Variants in SLC67A1 observed in about 807,000 individuals in gnomAD.
SLC67A1 encodes solute carrier family 67 member A1.
At chr11:2,916,571 C>A in the SLC67A1 span, 5,459 of 1,387,224 alleles carry the variant, frequency 3.9e-3, 111 homozygotes, top group African/African-American at 0.055. Flanking sequence ...GTGGCTGGGG[C>A]GCCTGGGCCC....
chr11:2,900,709 A>AAAAAAAAAAAAAAAC, the SLC67A1 span, among the ~76,000 whole-genome samples: 1 of 150,816 alleles, frequency 6.6e-6, no homozygotes, highest in Non-Finnish European at 1.5e-5. Context: ...AAAAAAAAAA[A>AAAAAAAAAAAAAAAC]AAAAAAAAGA....
chr11:2,909,372 CTG>C, the SLC67A1 span: 1 of 1,513,228 alleles, frequency 6.6e-7, no homozygotes, highest in Non-Finnish European at 8.8e-7. Context: ...GCCGGGGGGA[CTG>C]GAGTCCAGGT....
chr11:2,899,933 G>A, the SLC67A1 span: 1 of 500,062 alleles, frequency 2.0e-6, no homozygotes, highest in Non-Finnish European at 3.5e-6. Flanking sequence ...CCCTCCCCAG[G>A]GAACCCAGGA....
the SLC67A1 span, chr11:2,914,966 C>G: frequency 3.0e-6 from 3 of 985,318 alleles, no homozygotes; most frequent in Non-Finnish European, 3.6e-6. Flanking sequence ...GGCATTTTCC[C>G]AAAGGAAGGG....
chr11:2,919,228 GGCT>G, the SLC67A1 span: 1 of 1,015,944 alleles, frequency 9.8e-7, no homozygotes, highest in Non-Finnish European at 1.5e-6. Flanking sequence ...TGATTGGCCA[GGCT>G]GCTGAGGCGG....
the SLC67A1 span, chr11:2,922,620 TG>T: frequency 1.3e-6 from 1 of 784,660 alleles, no homozygotes; most frequent in Non-Finnish European, 1.6e-6. Context: ...CCGGTGGGGA[TG>T]GGGTGGGCAG....
At chr11:2,909,819 G>A in the SLC67A1 span, 1 of 1,203,354 alleles carries the variant, frequency 8.3e-7, no homozygotes, top group Non-Finnish European at 1.1e-6. Context: ...CGTGGGGCGC[G>A]AGTGGCCACG....
the SLC67A1 span, chr11:2,925,117 G>T: frequency 6.8e-4 from 1,101 of 1,613,896 alleles, 6 homozygotes; most frequent in African/African-American, 0.013. The surrounding 1 kb of genome is among the most constrained non-coding windows in gnomAD (Gnocchi z 6.5). Context: ...CTTCGGCCAC[G>T]TGCAGGTTGC....
chr11:2,914,867 G>C, the SLC67A1 span: 2 of 985,424 alleles, frequency 2.0e-6, no homozygotes, highest in South Asian at 9.4e-5. Flanking sequence ...CTGGCCACAG[G>C]GGCCAGTTGT....
At chr11:2,920,516 C>T in the SLC67A1 span, 1 of 152,394 alleles carries the variant, frequency 6.6e-6, no homozygotes, top group Non-Finnish European at 1.5e-5. Flanking sequence ...CAGTGGGGAC[C>T]CTGCCTGAGA....
the SLC67A1 span, chr11:2,903,273 T>G: frequency 6.4e-7 from 1 of 1,573,454 alleles, no homozygotes; most frequent in Non-Finnish European, 8.6e-7. Flanking sequence ...CCGGATCAAC[T>G]GGACTTTTGC....
At chr11:2,903,048 CG>C in the SLC67A1 span, 14 of 448,620 alleles carry the variant, frequency 3.1e-5, no homozygotes, top group South Asian at 1.0e-4. Flanking sequence ...CTGCAGGGGT[CG>C]GGGGGAGCAG....
chr11:2,903,430 A>C, the SLC67A1 span: 1 of 1,613,042 alleles, frequency 6.2e-7, no homozygotes. Context: ...CATCTTGCTT[A>C]CCTACGTGCT....
chr11:2,924,883 C>T, the SLC67A1 span: 2 of 774,416 alleles, frequency 2.6e-6, no homozygotes, highest in Admixed American at 5.5e-5. The surrounding 1 kb of genome is among the most constrained non-coding windows in gnomAD (Gnocchi z 8.6). Flanking sequence ...CCAGACTATG[C>T]AAGGTGCGGA....
the SLC67A1 span, chr11:2,916,433 C>A: frequency 1.8e-6 from 1 of 542,558 alleles, no homozygotes; most frequent in Non-Finnish European, 3.2e-6. Context: ...CCCACCCATT[C>A]CTTCATCCAT....
At chr11:2,908,097 C>T in the SLC67A1 span, 9 of 617,382 alleles carry the variant, frequency 1.5e-5, no homozygotes, top group Non-Finnish European at 2.6e-5. Context: ...GGGAAGGGCC[C>T]CTCGATGGTC....
At chr11:2,900,146 T>A in the SLC67A1 span, among the ~76,000 whole-genome samples, 1 of 146,078 alleles carries the variant, frequency 6.8e-6, no homozygotes, top group African/African-American at 2.5e-5. Flanking sequence ...TTGACTGCAC[T>A]CTCCCCAAGT....
At chr11:2,902,929 G>A in the SLC67A1 span, among the ~76,000 whole-genome samples, 9 of 152,236 alleles carry the variant, frequency 5.9e-5, no homozygotes, top group Admixed American at 1.3e-4. Context: ...CACAGAAGGC[G>A]CTGATGATTT....
chr11:2,906,195 G>A, the SLC67A1 span, among the ~76,000 whole-genome samples: 1 of 152,320 alleles, frequency 6.6e-6, no homozygotes, highest in East Asian at 1.9e-4. Flanking sequence ...AGTTAGAATG[G>A]CGATCATGAA....
Sources: allele counts gnomAD v4.1 joint callset (sites outside exome capture counted in the v4.1 genomes callset), GRCh38; gene constraint gnomAD v4.1.1; non-coding constraint Gnocchi (gnomAD v3.1); transcripts MANE v1.5; gene names NCBI Gene and HGNC (gene_info 2026-07-23, HGNC 2026-07-21).